CALN1: variants seen among roughly 807,000 people sequenced by gnomAD.
CALN1 encodes calcium-binding protein 8.
A neutral mutation model predicts 30.6 loss-of-function variants in CALN1; 17 were observed. That is an observed-to-expected ratio of 0.56 (90% confidence interval 0.38 to 0.83). CALN1 has a LOEUF of 0.83. CALN1 is among the 40% of genes least tolerant of loss of function. The pLI, the probability that CALN1 is intolerant of heterozygous loss-of-function variation, is 0.00. For synonymous variants in CALN1, 156 were observed against 131.4 expected, an observed-to-expected ratio of 1.19 and a Z score of -1.28; for missense variants, 291 against 354.9, an observed-to-expected ratio of 0.82 and a Z score of 1.45.
chr7:71,834,217 C>CAAAAAA (rs11313802), intron 5 of CALN1, among the ~76,000 whole-genome samples: 3 of 48,310 alleles, frequency 6.2e-5, no homozygotes, highest in Admixed American at 3.0e-4. Context: ...GACTCCATCT[C>CAAAAAA]AAAAAAAAAA....
chr7:72,376,671 C>T (rs932246776), intron 2 of CALN1, among the ~76,000 whole-genome samples: 1 of 152,064 alleles, frequency 6.6e-6, no homozygotes, highest in Non-Finnish European at 1.5e-5. Flanking sequence ...TTTTCACTTT[C>T]TTGATGGTGT....
chr7:72,367,383 G>A (rs1803940644), intron 2 of CALN1, among the ~76,000 whole-genome samples: 1 of 152,066 alleles, frequency 6.6e-6, no homozygotes, highest in Admixed American at 6.6e-5. Context: ...TACTCACTCA[G>A]AAGGCTGAGG....
At chr7:72,214,573 G>C (rs1030287805) in intron 3 of CALN1, among the ~76,000 whole-genome samples, 2 of 152,024 alleles carry the variant, frequency 1.3e-5, no homozygotes, top group Admixed American at 1.3e-4. Context: ...AGCTATGATT[G>C]CACCACTGCA....
At chr7:72,455,308 AAT>A in the CALN1 span, among the ~76,000 whole-genome samples, 1,566 of 139,564 alleles carry the variant, frequency 0.011, 16 homozygotes, top group African/African-American at 0.039. Flanking sequence ...TTCTAGAAAC[AAT>A]ATATATATAT....
chr7:72,259,410 T>C (rs1796128020), intron 3 of CALN1, among the ~76,000 whole-genome samples: 1 of 152,176 alleles, frequency 6.6e-6, no homozygotes, highest in Non-Finnish European at 1.5e-5. Context: ...TCCCTGTCCC[T>C]GGTCTCAGCG....
chr7:72,059,570 T>C (rs763471171), intron 4 of CALN1, among the ~76,000 whole-genome samples: 34 of 152,110 alleles, frequency 2.2e-4, no homozygotes, highest in Admixed American at 7.2e-4. Flanking sequence ...CAAAAAGAAA[T>C]TGAACTATAA....
intron 3 of CALN1, among the ~76,000 whole-genome samples, chr7:72,217,828 ATAAAT>A (rs1198665670): frequency 2.1e-5 from 3 of 142,016 alleles, no homozygotes; most frequent in Admixed American, 7.6e-5. Flanking sequence ...AAAAAATTAA[ATAAAT>A]TTTTTTTTTT....
intron 2 of CALN1, among the ~76,000 whole-genome samples, chr7:72,295,093 C>T (rs2129555217): frequency 6.6e-6 from 1 of 152,272 alleles, no homozygotes; most frequent in African/African-American, 2.4e-5. Flanking sequence ...GCACCCAAAT[C>T]TCACAAATCA....
chr7:72,442,441 T>C (rs138070826), intron 1 of CALN1, among the ~76,000 whole-genome samples: 3 of 152,364 alleles, frequency 2.0e-5, no homozygotes, highest in African/African-American at 7.2e-5. Flanking sequence ...GCTGCACTTA[T>C]TTAGGATTGT....
At chr7:72,288,139 G>A (rs1432524421) in intron 2 of CALN1, among the ~76,000 whole-genome samples, 2 of 152,094 alleles carry the variant, frequency 1.3e-5, no homozygotes, top group East Asian at 1.9e-4. Flanking sequence ...ACTGACTGGG[G>A]CCACCATCAT....
the CALN1 span, among the ~76,000 whole-genome samples, chr7:72,474,769 T>C: frequency 6.6e-6 from 1 of 151,928 alleles, no homozygotes; most frequent in East Asian, 1.9e-4. Flanking sequence ...TATAAAGCCC[T>C]GTATGAGTTG....
intron 3 of CALN1, among the ~76,000 whole-genome samples, chr7:72,228,336 A>G (rs1471177243): frequency 6.6e-6 from 1 of 151,618 alleles, no homozygotes; most frequent in African/African-American, 2.4e-5. Flanking sequence ...CATATCACAT[A>G]ACAATTAGTT....
chr7:72,167,765 A>G (rs1490079245), intron 3 of CALN1, among the ~76,000 whole-genome samples: 4 of 152,214 alleles, frequency 2.6e-5, no homozygotes, highest in Non-Finnish European at 5.9e-5. Context: ...TGTAGGATGC[A>G]CTTGACATCA....
chr7:72,313,320 C>A (rs1800190211), intron 2 of CALN1, among the ~76,000 whole-genome samples: 1 of 152,012 alleles, frequency 6.6e-6, no homozygotes, highest in Admixed American at 6.6e-5. Flanking sequence ...ATCGAAAAAA[C>A]ATTTGGAAAA....
At chr7:72,385,979 C>T (rs1270466244) in intron 2 of CALN1, among the ~76,000 whole-genome samples, 3 of 152,078 alleles carry the variant, frequency 2.0e-5, no homozygotes, top group East Asian at 1.9e-4. Context: ...CACAAAGACA[C>T]GGATTGATCT....
At chr7:72,310,071 T>G (rs796602382) in intron 2 of CALN1, among the ~76,000 whole-genome samples, 20 of 152,192 alleles carry the variant, frequency 1.3e-4, no homozygotes, top group African/African-American at 4.8e-4. Flanking sequence ...ACTAGCTGAC[T>G]GTTATAACGT....
intron 5 of CALN1, among the ~76,000 whole-genome samples, chr7:71,880,977 A>G (rs1456568206): frequency 6.6e-6 from 1 of 152,116 alleles, no homozygotes; most frequent in Admixed American, 6.6e-5. Flanking sequence ...GGACTGGGAG[A>G]GGCAGATCCA....
intron 3 of CALN1, among the ~76,000 whole-genome samples, chr7:72,214,689 C>T (rs375856920): frequency 7.9e-4 from 120 of 151,954 alleles, no homozygotes; most frequent in African/African-American, 2.7e-3. Flanking sequence ...TATTAGGAGC[C>T]GAGCCGCACA....
intron 2 of CALN1, among the ~76,000 whole-genome samples, chr7:72,357,655 G>A (rs1365231069): frequency 6.6e-6 from 1 of 151,120 alleles, no homozygotes; most frequent in Non-Finnish European, 1.5e-5. Flanking sequence ...AACAGTAGTT[G>A]AAAAAACTCC....
Sources: allele counts gnomAD v4.1 joint callset (sites outside exome capture counted in the v4.1 genomes callset), GRCh38; gene constraint gnomAD v4.1.1; transcripts MANE v1.5; gene names NCBI Gene and HGNC (gene_info 2026-07-23, HGNC 2026-07-21).